The following HID1 variants were observed in gnomAD, a reference collection of about 807,000 sequenced individuals.
HID1 encodes HID1 domain containing, also known as protein HID1.
Under a neutral mutation model 89.7 loss-of-function variants are expected in HID1, and 42 were observed. The ratio of observed to expected loss-of-function variants is 0.47; its 90% CI spans 0.37 to 0.61. HID1 has a LOEUF of 0.61. Among genes scored for constraint, HID1 ranks in the 20% least tolerant of loss-of-function variants. HID1 has a pLI of 0.00. For missense variants in HID1, 854 were observed against 1,039.3 expected, an observed-to-expected ratio of 0.82 and a Z score of 2.45; for synonymous variants, 442 against 433.8, an observed-to-expected ratio of 1.02 and a Z score of -0.24.
intron 12 of HID1, chr17:74,957,903 A>C: frequency 1.9e-6 from 1 of 531,238 alleles, no homozygotes. Flanking sequence ...TGAGAAGGGA[A>C]TATTAAATAT....
At chr17:74,955,360 G>C (rs2039373052) in intron 13 of HID1, among the ~76,000 whole-genome samples, 1 of 151,782 alleles carries the variant, frequency 6.6e-6, no homozygotes. Context: ...AATTAGCTAG[G>C]TATGGTGGGG....
chr17:74,954,021 T>A, intron 14 of HID1, 117 bp downstream of exon 14: 1 of 1,002,222 alleles, frequency 1.0e-6, no homozygotes. Flanking sequence ...CCCCATCCCC[T>A]CGGCTTCCAT....
intron 13 of HID1, among the ~76,000 whole-genome samples, chr17:74,955,305 G>C (rs1249595593): frequency 7.2e-5 from 11 of 152,176 alleles, no homozygotes; most frequent in Non-Finnish European, 1.5e-5. Context: ...AGCAGTTTGG[G>C]AGGCCGAGGC....
intron 6 of HID1, among the ~76,000 whole-genome samples, chr17:74,961,028 C>T (rs915213250): frequency 1.3e-5 from 2 of 151,732 alleles, no homozygotes; most frequent in African/African-American, 2.4e-5. Flanking sequence ...ATTTGTCACA[C>T]ACTCCCCGAC....
At chr17:74,952,224 C>A (rs1434399516) in intron 17 of HID1, 45 bp downstream of exon 17, 2 of 1,569,828 alleles carry the variant, frequency 1.3e-6, no homozygotes, top group South Asian at 1.1e-5. Flanking sequence ...CGCCCACAAC[C>A]CCGGCCCCGC....
At chr17:74,955,676 C>T (rs892782785) in intron 13 of HID1, 116 bp downstream of exon 13, 23 of 864,968 alleles carry the variant, frequency 2.7e-5, no homozygotes, top group Non-Finnish European at 3.8e-5. Flanking sequence ...GAACTGGGGG[C>T]AGAAGGCAAG....
At chr17:74,971,645 C>A (rs73365017) in intron 1 of HID1, among the ~76,000 whole-genome samples, 12,276 of 152,188 alleles carry the variant, frequency 0.081, 1,330 homozygotes, top group African/African-American at 0.25. Flanking sequence ...GGTCCTGTGT[C>A]CCCTGAAAAT....
At chr17:74,964,719 A>G in intron 1 of HID1, 87 bp from the exon 2 acceptor site, 1 of 1,401,946 alleles carries the variant, frequency 7.1e-7, no homozygotes, top group Non-Finnish European at 9.7e-7. Context: ...AGAGACCCTG[A>G]GAGGGAAGCC....
intron 1 of HID1, among the ~76,000 whole-genome samples, chr17:74,965,149 C>T (rs999807707): frequency 2.6e-5 from 4 of 152,252 alleles, no homozygotes; most frequent in African/African-American, 9.6e-5. Flanking sequence ...GTGAATTCAC[C>T]TCTGTGGCTC....
Position 74,959,867 on chromosome 17 carries a change from G to C in HID1, c.1008+14C>G. The C allele has an allele frequency of 6.2e-7, 1 of 1,613,488 alleles. No homozygotes were observed. The highest frequency in any genetic ancestry group is 8.5e-7 in the Non-Finnish European group (1 of 1,179,886). ...CCCTGCACCCTGCAAAGCCACTGTG[G>C]GGACTGGACTTGCCTCCTCACGATG... is the stretch of plus-strand genomic sequence containing the variant. On this transcript the variant is annotated intron_variant, in intron 8 of 18. Coordinates refer to ENST00000425042, the MANE Select transcript of HID1 (RefSeq NM_030630.3). The surrounding 1 kb of genome is among the most constrained non-coding windows in gnomAD (Gnocchi z 4.6).
In HID1 at chr17:74,953,092, C is replaced by G. The variant is rs1468847854; in HGVS notation, c.1972-6G>C. On this transcript the variant is annotated splice_polypyrimidine_tract_variant and splice_region_variant and intron_variant, in intron 15 of 18. Transcript: ENST00000425042. ...CTCCATGCCTGGCTGGGCTCCTGGC[C>G]CCCAGAAAGGAACAGGGGTGAGGGA... The G allele has an allele frequency of 4.4e-6, 7 of 1,601,164 alleles. No homozygotes were observed. In the Admixed American group the frequency reaches 1.2e-4, roughly 27 times the overall value.
Position 74,962,628 on chromosome 17 carries a change from G to C in HID1, c.505-288C>G, listed in dbSNP as rs570954800. Among the ~76,000 whole-genome samples the C allele has an allele frequency of 1.3e-5, 2 of 152,328 alleles. No individual in the cohort carries two copies. The highest frequency in any genetic ancestry group is 4.8e-5 in the African/African-American group (2 of 41,574). ...GGAGGGGCAGGGGATTGGGTGCCCC[G>C]GGTTTGGGGGTGGGCAGAGAAGACT... On this transcript the variant is annotated intron_variant, in intron 4 of 18. Coordinates refer to ENST00000425042, the MANE Select transcript of HID1 (RefSeq NM_030630.3). The surrounding 1 kb of genome is among the most constrained non-coding windows in gnomAD (Gnocchi z 4.3).
Position 74,962,193 on chromosome 17 carries a change from G to A in HID1, c.611+41C>T, listed in dbSNP as rs1567962741. 2 of 1,520,374 alleles carry A rather than the reference G, an allele frequency of 1.3e-6. No homozygotes were observed. The highest frequency in any genetic ancestry group is 1.4e-5 in the African/African-American group (1 of 73,054). 94.2% of individuals were successfully genotyped at this position (1,520,374 alleles called of 1,614,324 possible). On this transcript the variant is annotated intron_variant, in intron 5 of 18. Coordinates refer to ENST00000425042, the MANE Select transcript of HID1 (RefSeq NM_030630.3). The surrounding 1 kb of genome is among the most constrained non-coding windows in gnomAD (Gnocchi z 4.3). Reference sequence around the variant, plus strand: ...GAGCTGTGCGGGGGCCCGGCCCGGGGTCCAGCTGCATTGAGGGCTCCGGGC... The same window carrying A: ...GAGCTGTGCGGGGGCCCGGCCCGGGATCCAGCTGCATTGAGGGCTCCGGGC...
At chr17:74,971,912 C>A (rs544165209) in intron 1 of HID1, among the ~76,000 whole-genome samples, 1 of 152,312 alleles carries the variant, frequency 6.6e-6, no homozygotes, top group South Asian at 2.1e-4. Context: ...AGCACACAGG[C>A]TAACAGCCTT....
chr17:74,967,323 G>A (rs8064729), intron 1 of HID1, among the ~76,000 whole-genome samples: 2,267 of 149,792 alleles, frequency 0.015, 50 homozygotes, highest in African/African-American at 0.053. Context: ...GGTGGCTCAC[G>A]AGGTCAGGAG....
At chr17:74,952,141 A>G (rs2039311907) in intron 17 of HID1, 78 bp from the exon 18 acceptor site, 15 of 1,523,518 alleles carry the variant, frequency 9.8e-6, no homozygotes, top group African/African-American at 2.7e-5. Context: ...CCCAAGACCC[A>G]TGTTTCCCAT....
chr17:74,952,906 C>A, intron 16 of HID1, 100 bp downstream of exon 16: 1 of 896,460 alleles, frequency 1.1e-6, no homozygotes, highest in Non-Finnish European at 1.7e-6. Context: ...GCCATCTTCA[C>A]TGAGCTTCCC....
intron 2 of HID1, 122 bp from the exon 3 acceptor site, chr17:74,964,032 G>T: frequency 2.0e-6 from 2 of 1,016,408 alleles, no homozygotes; most frequent in Non-Finnish European, 2.9e-6. Context: ...GGCTGCAGAG[G>T]AGAGACAGTG....
chr17:74,952,985 T>C, intron 16 of HID1, 21 bp downstream of exon 16: 1 of 1,584,688 alleles, frequency 6.3e-7, no homozygotes, highest in South Asian at 1.1e-5. Context: ...CCCGCTCGCC[T>C]GGCACAGGGT....
Sources: gnomAD v4.1 joint callset for allele counts (sites outside exome capture counted in the v4.1 genomes callset) on GRCh38, gnomAD v4.1.1 for gene constraint, Gnocchi (gnomAD v3.1) non-coding constraint, MANE v1.5 for transcripts, NCBI Gene and HGNC (gene_info 2026-07-23, HGNC 2026-07-21) for gene names.